ZBTB16: variants seen among roughly 807,000 people sequenced by gnomAD.
ZBTB16 encodes the protein zinc finger and BTB domain-containing protein 16.
A neutral mutation model predicts 56.8 loss-of-function variants in ZBTB16; 8 were observed. The ratio of observed to expected loss-of-function variants is 0.14; its 90% CI spans 0.08 to 0.25. The LOEUF is 0.25. ZBTB16 is among the 10% of genes least tolerant of loss of function. The pLI is 1.00. For missense variants in ZBTB16, 625 were observed against 903.0 expected (o/e 0.69, Z 3.95); for synonymous variants, 363 against 368.5 (o/e 0.98, Z 0.17).
At chr11:114,166,725 T>C (rs1269734820) in intron 3 of ZBTB16, among the ~76,000 whole-genome samples, 1 of 152,174 alleles carries the variant, frequency 6.6e-6, no homozygotes, top group Non-Finnish European at 1.5e-5. Context: ...TGTTTCTACC[T>C]TTTGGATTCA....
At chr11:114,218,723 G>A (rs1002070930) in intron 4 of ZBTB16, among the ~76,000 whole-genome samples, 1 of 152,146 alleles carries the variant, frequency 6.6e-6, no homozygotes, top group Non-Finnish European at 1.5e-5. Context: ...TGTAACTCAT[G>A]ACTGCAGTAG....
intron 4 of ZBTB16, among the ~76,000 whole-genome samples, chr11:114,219,856 C>G (rs1323289051): frequency 6.6e-6 from 1 of 152,084 alleles, no homozygotes; most frequent in East Asian, 1.9e-4. Context: ...GTCTGGAAGC[C>G]TTGGAAAGCC....
intron 2 of ZBTB16, among the ~76,000 whole-genome samples, chr11:114,148,445 C>CTTTTTCTTTCTTTCTTTCTT (rs1555143959): frequency 1.8e-5 from 1 of 56,876 alleles, no homozygotes; most frequent in African/African-American, 5.6e-5. Context: ...CTTTCTCTCT[C>CTTTTTCTTTCTTTCTTTCTT]TCTGTCTGTC....
intron 4 of ZBTB16, among the ~76,000 whole-genome samples, chr11:114,227,473 A>G (rs550184481): frequency 9.2e-5 from 14 of 152,340 alleles, no homozygotes; most frequent in Admixed American, 3.3e-4. Flanking sequence ...TTATCCATCT[A>G]TTCGTCCTTC....
chr11:114,136,478 A>C (rs1452060610), intron 2 of ZBTB16, among the ~76,000 whole-genome samples: 2 of 152,182 alleles, frequency 1.3e-5, no homozygotes, highest in African/African-American at 4.8e-5. Context: ...TGAGGCCTAG[A>C]GAGCATAAGT....
intron 2 of ZBTB16, among the ~76,000 whole-genome samples, chr11:114,131,038 C>T (rs1005504341): frequency 3.3e-5 from 5 of 152,108 alleles, no homozygotes; most frequent in South Asian, 2.1e-4. Context: ...ACACGAGGGC[C>T]GGTATTTTGG....
chr11:114,251,511 G>A lies in ZBTB16; in HGVS notation c.*956G>A, dbSNP rs1325258998. On this transcript the variant is annotated 3_prime_UTR_variant, in exon 7 of 7. Transcript: ENST00000335953. Reference sequence around the variant, plus strand: ...AGCCCTACTTCAGTCCCAGGAGAAGGAATCCATGAATGGGCTGAGGTTCCG... The same window carrying A: ...AGCCCTACTTCAGTCCCAGGAGAAGAAATCCATGAATGGGCTGAGGTTCCG... Among the ~76,000 whole-genome samples, 1 of 152,188 alleles carries A rather than the reference G, an allele frequency of 6.6e-6. No individual in the cohort carries two copies. Among genetic ancestry groups the A allele is most frequent in the East Asian group, 1.9e-4 (1 of 5,194 alleles).
chr11:114,099,854 C>T lies in ZBTB16; in HGVS notation c.1268+35286C>T, dbSNP rs541098301. On this transcript the variant is annotated intron_variant, in intron 2 of 6. Coordinates refer to ENST00000335953, the MANE Select transcript of ZBTB16 (RefSeq NM_006006.6). ...AGTCATTGAACTTCAAAGTGTAAAG[C>T]ATGGATTGTGTTGGTGCACTTGTGG... Among the ~76,000 whole-genome samples, 5 of 152,352 alleles carry T rather than the reference C, an allele frequency of 3.3e-5. No homozygotes were observed. In the South Asian group the frequency reaches 1.0e-3, roughly 32 times the overall value.
At position 114,166,345 on chromosome 11, in the gene ZBTB16, T is replaced by C. The variant is rs114413346; in HGVS notation, c.1366+9911T>C. Among the ~76,000 whole-genome samples, 206 of 151,634 alleles carry C rather than the reference T, an allele frequency of 1.4e-3. 1 individual carries two copies. Among genetic ancestry groups the C allele is most frequent in the African/African-American group, 4.7e-3 (193 of 41,288 alleles). On this transcript the variant is annotated intron_variant, in intron 3 of 6. Transcript: ENST00000335953. ...TTGCAGACTCATCCATTAAATGAGG[T>C]TGGTGAAGATTGCAGGATTGGACAG...
chr11:114,218,382 C>T (rs454802), intron 4 of ZBTB16, among the ~76,000 whole-genome samples: 66,920 of 152,048 alleles, frequency 0.44, 15,060 homozygotes, highest in African/African-American at 0.49. Context: ...TCCTGCCCCA[C>T]TGGGGCTTTA....
At chr11:114,086,424 C>G (rs1244640452) in intron 2 of ZBTB16, among the ~76,000 whole-genome samples, 1 of 152,080 alleles carries the variant, frequency 6.6e-6, no homozygotes, top group Non-Finnish European at 1.5e-5. Context: ...CCTCTTCTGT[C>G]TCCTGTGCCA....
At chr11:114,061,022 G>T (rs1020690450) in intron 1 of ZBTB16, among the ~76,000 whole-genome samples, 2 of 152,152 alleles carry the variant, frequency 1.3e-5, no homozygotes, top group African/African-American at 4.8e-5. Context: ...GTTCCTCCCC[G>T]TCTCTTTCGC....
At chr11:114,244,273 G>A (rs1380034658) in intron 5 of ZBTB16, among the ~76,000 whole-genome samples, 1 of 151,474 alleles carries the variant, frequency 6.6e-6, no homozygotes, top group Non-Finnish European at 1.5e-5. Context: ...GAAGGGAGGG[G>A]CCTGAGGAGC....
intron 2 of ZBTB16, among the ~76,000 whole-genome samples, chr11:114,066,282 A>G (rs1939114909): frequency 6.6e-6 from 1 of 152,182 alleles, no homozygotes; most frequent in Admixed American, 6.5e-5. Context: ...TAACTTGTGG[A>G]AAGTGTGGCA....
intron 4 of ZBTB16, among the ~76,000 whole-genome samples, chr11:114,241,178 A>G (rs1944694115): frequency 6.6e-6 from 1 of 152,118 alleles, no homozygotes; most frequent in Non-Finnish European, 1.5e-5. Context: ...GCATCAAATA[A>G]TACTTGTTGA....
chr11:114,123,612 AAC>A (rs1941405337), intron 2 of ZBTB16, among the ~76,000 whole-genome samples: 1 of 152,160 alleles, frequency 6.6e-6, no homozygotes, highest in South Asian at 2.1e-4. Flanking sequence ...GTTGGCTGTG[AAC>A]ACACTCCTAA....
At chr11:114,155,025 T>C (rs1436027778) in intron 2 of ZBTB16, among the ~76,000 whole-genome samples, 1 of 149,598 alleles carries the variant, frequency 6.7e-6, no homozygotes, top group Non-Finnish European at 1.5e-5. Context: ...TTTGCTACCA[T>C]CTAGATACTG....
chr11:114,124,700 G>T (rs1941453915), intron 2 of ZBTB16, among the ~76,000 whole-genome samples: 1 of 152,178 alleles, frequency 6.6e-6, no homozygotes, highest in South Asian at 2.1e-4. Context: ...TGAGCTTCAT[G>T]TACCAGAAGG....
intron 3 of ZBTB16, 39 bp from the exon 4 acceptor site, chr11:114,186,913 A>C: frequency 6.2e-7 from 1 of 1,600,714 alleles, no homozygotes; most frequent in Non-Finnish European, 8.6e-7. Flanking sequence ...TCACCAGTGG[A>C]CTATTGCTCT....
Sources: allele counts gnomAD v4.1 joint callset (sites outside exome capture counted in the v4.1 genomes callset), GRCh38; gene constraint gnomAD v4.1.1; transcripts MANE v1.5; gene names NCBI Gene and HGNC (gene_info 2026-07-23, HGNC 2026-07-21).